The following SOX5 variants were observed in gnomAD, a reference collection of about 807,000 sequenced individuals.
SOX5 encodes transcription factor SOX-5.
Under a neutral mutation model 92.0 loss-of-function variants are expected in SOX5, and 9 were observed. The ratio of observed to expected loss-of-function variants is 0.10; its 90% CI spans 0.06 to 0.17. The LOEUF is 0.17. Among genes scored for constraint, SOX5 ranks in the 10% least tolerant of loss-of-function variants. The pLI, the probability that SOX5 is intolerant of heterozygous loss-of-function variation, is 1.00. For synonymous variants in SOX5, 344 were observed against 336.3 expected, an observed-to-expected ratio of 1.02 and a Z score of -0.25; for missense variants, 642 against 944.5, an observed-to-expected ratio of 0.68 and a Z score of 4.20.
intron 8 of SOX5, among the ~76,000 whole-genome samples, chr12:23,635,688 TA>T (rs1211567157): frequency 5.3e-5 from 8 of 151,706 alleles, no homozygotes; most frequent in Non-Finnish European, 1.0e-4. Context: ...TTTAAAAAAA[TA>T]AAAAAAGGAA....
intron 6 of SOX5, among the ~76,000 whole-genome samples, chr12:23,715,174 C>T (rs1261783186): frequency 6.6e-6 from 1 of 152,044 alleles, no homozygotes; most frequent in Non-Finnish European, 1.5e-5. Flanking sequence ...TGGCGGGCGC[C>T]TGTAGTCCCA....
chr12:23,877,387 A>C (rs1284593498), intron 2 of SOX5, among the ~76,000 whole-genome samples: 1 of 152,018 alleles, frequency 6.6e-6, no homozygotes, highest in Non-Finnish European at 1.5e-5. Context: ...ATTTTTGGAG[A>C]TTATTCTTTG....
At chr12:23,804,150 G>A (rs2095713954) in intron 3 of SOX5, among the ~76,000 whole-genome samples, 1 of 152,006 alleles carries the variant, frequency 6.6e-6, no homozygotes, top group Non-Finnish European at 1.5e-5. Flanking sequence ...AGCTTCTTAA[G>A]CCTCAATACT....
intron 4 of SOX5, among the ~76,000 whole-genome samples, chr12:24,097,024 C>T (rs1041413512): frequency 6.6e-6 from 1 of 152,252 alleles, no homozygotes; most frequent in East Asian, 1.9e-4. Flanking sequence ...TTCTCCACAT[C>T]CTTACCAATG....
chr12:23,681,043 T>A (rs79815598), intron 6 of SOX5, among the ~76,000 whole-genome samples: 137 of 152,148 alleles, frequency 9.0e-4, no homozygotes, highest in South Asian at 8.3e-3. Flanking sequence ...CTGGTGAACA[T>A]GTGACTAAAT....
At chr12:24,236,324 C>T (rs1014498629) in intron 3 of SOX5, among the ~76,000 whole-genome samples, 4 of 152,154 alleles carry the variant, frequency 2.6e-5, no homozygotes, top group African/African-American at 9.7e-5. Flanking sequence ...AGAGGTGTTG[C>T]TTGATGTTCT....
At chr12:23,822,946 T>G (rs2096151167) in intron 3 of SOX5, among the ~76,000 whole-genome samples, 1 of 151,816 alleles carries the variant, frequency 6.6e-6, no homozygotes, top group African/African-American at 2.4e-5. Flanking sequence ...AGGACTGCTT[T>G]TTTTTGCTTT....
At chr12:23,715,427 C>G (rs988571810) in intron 6 of SOX5, among the ~76,000 whole-genome samples, 1 of 152,056 alleles carries the variant, frequency 6.6e-6, no homozygotes, top group Non-Finnish European at 1.5e-5. Flanking sequence ...GCAGTAAATG[C>G]TAACAAATAG....
At chr12:23,959,232 G>A (rs563502308) in intron 4 of SOX5, among the ~76,000 whole-genome samples, 65 of 151,600 alleles carry the variant, frequency 4.3e-4, no homozygotes, top group African/African-American at 1.5e-3. Flanking sequence ...AAAAGAATGA[G>A]GGCTTAATTT....
chr12:24,387,360 C>T (rs575872040), intron 1 of SOX5, among the ~76,000 whole-genome samples: 3 of 152,198 alleles, frequency 2.0e-5, no homozygotes, highest in African/African-American at 4.8e-5. Flanking sequence ...GATTTTTTTG[C>T]AATTTTTTAA....
At chr12:23,984,313 GCC>G (rs371285413) in intron 4 of SOX5, among the ~76,000 whole-genome samples, 33 of 152,246 alleles carry the variant, frequency 2.2e-4, no homozygotes, top group African/African-American at 7.7e-4. Flanking sequence ...GATTAAAAGG[GCC>G]TACAAGAAGC....
intron 8 of SOX5, among the ~76,000 whole-genome samples, chr12:23,639,108 T>C (rs944053267): frequency 3.9e-5 from 6 of 152,224 alleles, no homozygotes; most frequent in Non-Finnish European, 8.8e-5. Context: ...AGAACATATA[T>C]GTTTGGTGTC....
At chr12:24,548,631 T>C (rs1035160134) in intron 1 of SOX5, among the ~76,000 whole-genome samples, 2 of 152,040 alleles carry the variant, frequency 1.3e-5, no homozygotes, top group Admixed American at 1.3e-4. Flanking sequence ...CCAGAGGGAG[T>C]ATCCCAATAG....
At chr12:24,194,819 T>C (rs1956861285) in intron 4 of SOX5, among the ~76,000 whole-genome samples, 1 of 152,170 alleles carries the variant, frequency 6.6e-6, no homozygotes, top group South Asian at 2.1e-4. Context: ...TAAAAAAAAT[T>C]CTCCCTTTGT....
chr12:24,222,121 GT>G (rs1198567790), intron 3 of SOX5, among the ~76,000 whole-genome samples: 1 of 152,164 alleles, frequency 6.6e-6, no homozygotes, highest in African/African-American at 2.4e-5. Flanking sequence ...TCTCAGTGAG[GT>G]TGTTATTGGC....
chr12:24,346,697 C>T (rs968718824), intron 2 of SOX5, among the ~76,000 whole-genome samples: 2 of 152,096 alleles, frequency 1.3e-5, no homozygotes, highest in South Asian at 2.1e-4. Flanking sequence ...GTGATCCACC[C>T]GCCTTGGCCT....
intron 4 of SOX5, among the ~76,000 whole-genome samples, chr12:23,968,057 A>C (rs1947795980): frequency 6.6e-6 from 1 of 152,226 alleles, no homozygotes; most frequent in Admixed American, 6.5e-5. Context: ...AGAATAGGGC[A>C]CACAATCAGA....
At chr12:24,122,509 C>G (rs777956951) in intron 4 of SOX5, among the ~76,000 whole-genome samples, 31 of 152,164 alleles carry the variant, frequency 2.0e-4, no homozygotes, top group Non-Finnish European at 3.7e-4. Context: ...TCACCCCAAG[C>G]ATAGTAATTA....
chr12:23,770,958 G>T (rs2094913131), intron 3 of SOX5, among the ~76,000 whole-genome samples: 1 of 152,088 alleles, frequency 6.6e-6, no homozygotes, highest in African/African-American at 2.4e-5. Flanking sequence ...TTCTGTCACA[G>T]TGGAGATATT....
Sources: allele counts gnomAD v4.1 joint callset (sites outside exome capture counted in the v4.1 genomes callset), GRCh38; gene constraint gnomAD v4.1.1; transcripts MANE v1.5; gene names NCBI Gene and HGNC (gene_info 2026-07-23, HGNC 2026-07-21).